The following EPHA4 variants were observed in gnomAD, a reference collection of about 807,000 sequenced individuals.
The protein encoded by EPHA4 is ephrin type-A receptor 4.
EPHA4 carries 19 observed loss-of-function variants against 108.3 expected under a neutral mutation model. The observed-to-expected ratio is 0.18, with a 90% CI of 0.12 to 0.26. EPHA4 has a LOEUF of 0.26. Among genes scored for constraint, EPHA4 ranks in the 10% least tolerant of loss-of-function variants. The probability of loss-of-function intolerance (pLI) is 1.00; values close to 1 mark genes in which losing one functional copy is unlikely to be tolerated. For synonymous variants in EPHA4, 449 were observed against 455.5 expected (o/e 0.99, Z 0.18); for missense variants, 917 against 1,254.0 (o/e 0.73, Z 4.06).
chr2:221,437,792 A>C (rs1690291361), intron 11 of EPHA4, among the ~76,000 whole-genome samples: 1 of 148,958 alleles, frequency 6.7e-6, no homozygotes, highest in South Asian at 2.1e-4. Flanking sequence ...GCATGGTGGC[A>C]GGCGCCTGTA....
chr2:221,420,934 T>C (rs1689741118), intron 17 of EPHA4, among the ~76,000 whole-genome samples: 2 of 152,198 alleles, frequency 1.3e-5, no homozygotes, highest in Non-Finnish European at 2.9e-5. Context: ...TTGAACAGCC[T>C]GTCTATGAAA....
At chr2:221,461,113 G>T (rs940723413) in intron 5 of EPHA4, among the ~76,000 whole-genome samples, 1 of 152,192 alleles carries the variant, frequency 6.6e-6, no homozygotes, top group Non-Finnish European at 1.5e-5. Flanking sequence ...GAGAAACAAA[G>T]GATATATGGG....
chr2:221,433,499 T>C (rs1157111719), intron 14 of EPHA4, among the ~76,000 whole-genome samples: 1 of 152,226 alleles, frequency 6.6e-6, no homozygotes, highest in Non-Finnish European at 1.5e-5. Context: ...TGCTTTCTTT[T>C]ATTTTTTTTT....
chr2:221,530,165 CT>C (rs550017406), intron 3 of EPHA4, among the ~76,000 whole-genome samples: 2,445 of 143,654 alleles, frequency 0.017, 38 homozygotes, highest in African/African-American at 0.046. Context: ...TCTCTCCCTG[CT>C]TTTTTTTTTT....
At chr2:221,453,089 A>G (rs3821028) in intron 8 of EPHA4, among the ~76,000 whole-genome samples, 6 of 152,178 alleles carry the variant, frequency 3.9e-5, no homozygotes, top group Admixed American at 6.5e-5. Context: ...AAAGCAAAGT[A>G]AATCTAAAGC....
chr2:221,443,092 T>C (rs1690478917), intron 10 of EPHA4, 78 bp from the exon 11 acceptor site: 2 of 1,452,028 alleles, frequency 1.4e-6, no homozygotes, highest in Non-Finnish European at 1.9e-6. Flanking sequence ...ATTCCTTGAG[T>C]GCTTGTTACA....
intron 8 of EPHA4, among the ~76,000 whole-genome samples, chr2:221,448,248 G>A (rs979731168): frequency 7.5e-5 from 11 of 146,228 alleles, no homozygotes; most frequent in Admixed American, 6.8e-5. Context: ...GGGGTGGGGT[G>A]GGGGGTGGGG....
chr2:221,459,285 G>GGC lies in EPHA4; in HGVS notation c.1319-1297_1319-1296dup, dbSNP rs369918903. On this transcript the variant is annotated intron_variant, in intron 5 of 17. Transcript: ENST00000281821. ...AGCATCTCTGTTAGGGATGGTAACA[G>GGC]GCGCACACACACACACACACACACC... 1.0e-3 allele frequency among the ~76,000 whole-genome samples: 147 copies of GGC among 145,836 alleles called. 3 individuals carry two copies. Among genetic ancestry groups the GGC allele is most frequent in the East Asian group, 8.1e-3 (39 of 4,786 alleles).
intron 3 of EPHA4, among the ~76,000 whole-genome samples, chr2:221,533,950 G>C (rs138499566): frequency 2.1e-3 from 320 of 152,188 alleles, no homozygotes; most frequent in Admixed American, 3.7e-3. Context: ...AGATCCTTGT[G>C]AGTTACCTTT....
intron 11 of EPHA4, among the ~76,000 whole-genome samples, chr2:221,439,082 G>C (rs1405801497): frequency 6.6e-6 from 1 of 152,050 alleles, no homozygotes; most frequent in South Asian, 2.1e-4. Flanking sequence ...TTGTGTCTAA[G>C]AAATTACTCA....
At chr2:221,480,131 C>T (rs1365891008) in intron 5 of EPHA4, among the ~76,000 whole-genome samples, 4 of 136,156 alleles carry the variant, frequency 2.9e-5, no homozygotes, top group Admixed American at 1.7e-4. Flanking sequence ...GCTCTCTGGA[C>T]CTTTTGCCCC....
intron 5 of EPHA4, among the ~76,000 whole-genome samples, chr2:221,467,003 T>A (rs1343373887): frequency 2.0e-5 from 3 of 152,186 alleles, no homozygotes; most frequent in African/African-American, 4.8e-5. Context: ...TACAGGGGTA[T>A]CTGTGTACAT....
intron 3 of EPHA4, among the ~76,000 whole-genome samples, chr2:221,508,105 C>T (rs1280257708): frequency 6.6e-6 from 1 of 152,190 alleles, no homozygotes; most frequent in African/African-American, 2.4e-5. Context: ...AGAACCACTG[C>T]TTAACTGTAA....
chr2:221,471,762 G>C (rs1435018785), intron 5 of EPHA4, among the ~76,000 whole-genome samples: 1 of 152,126 alleles, frequency 6.6e-6, no homozygotes, highest in Non-Finnish European at 1.5e-5. Flanking sequence ...TACAATGAAG[G>C]CTGTAAACAC....
intron 3 of EPHA4, among the ~76,000 whole-genome samples, chr2:221,543,415 A>C (rs1693895263): frequency 6.6e-6 from 1 of 152,242 alleles, no homozygotes; most frequent in African/African-American, 2.4e-5. Flanking sequence ...CATAAAAAGC[A>C]AAATAAGTGT....
rs547213703 is a variant in EPHA4 at position 221,548,117 on chromosome 2, T to C, written c.823+15614A>G. 3.3e-5 allele frequency among the ~76,000 whole-genome samples: 5 copies of C among 152,306 alleles called. No individual in the cohort carries two copies. The East Asian group carries it at 9.7e-4, about 29-fold the overall frequency. ...TCGGATCATGGGGGCAGATCTTTCA[T>C]GAATGGGTTAGCACCATCCTCTTGG... On this transcript the variant is annotated intron_variant, in intron 3 of 17. Transcript: ENST00000281821.
rs1559297315 is a variant in EPHA4 at position 221,566,942 on chromosome 2, A to G, written c.159+1776T>C. On this transcript the variant is annotated intron_variant, in intron 2 of 17. Transcript: ENST00000281821. ...AAGGAGAAGGAGAAGGAGAAGGAGA[A>G]GGAGAAGGAGAAGGGGAAGAGGAAG... Among the ~76,000 whole-genome samples, 123 of 57,784 alleles carry G rather than the reference A, an allele frequency of 2.1e-3. 31 individuals carry two copies. The highest frequency in any genetic ancestry group is 9.8e-3 in the African/African-American group (94 of 9,608). The allele number at this position is 57,784 out of a possible 152,430, so 37.9% of individuals were successfully genotyped here.
At chr2:221,564,539 G>A in intron 2 of EPHA4, 145 bp from the exon 3 acceptor site, 1 of 758,118 alleles carries the variant, frequency 1.3e-6, no homozygotes. Context: ...ACTAATAAAG[G>A]ATCTTATGGG....
Position 221,436,576 on chromosome 2 carries a change from C to G in EPHA4, c.2169G>C (p.Leu723=). 1 of 1,614,174 alleles carries G rather than the reference C, an allele frequency of 6.2e-7. No homozygotes were observed. Among genetic ancestry groups the G allele is most frequent in the Non-Finnish European group, 8.5e-7 (1 of 1,180,028 alleles). ...KNDGRFTVIQ[L]VGMLRGIGSG... Reference sequence around the variant, plus strand: ...ACCCAATGCCACGAAGCATGCCCACCAGCTGAATGACTGTAAATCTGCCAT... The same window carrying G: ...ACCCAATGCCACGAAGCATGCCCACGAGCTGAATGACTGTAAATCTGCCAT... The change falls in exon 13 of 18, where the codon CTG becomes CTC. Residue 723 remains leucine (L), a synonymous_variant. Coordinates refer to ENST00000281821, the MANE Select transcript of EPHA4 (RefSeq NM_004438.5).
Sources: gnomAD v4.1 joint callset for allele counts (sites outside exome capture counted in the v4.1 genomes callset) on GRCh38, gnomAD v4.1.1 for gene constraint, MANE v1.5 for transcripts, NCBI Gene and HGNC (gene_info 2026-07-23, HGNC 2026-07-21) for gene names.